Variants in DAB2IP observed in about 807,000 individuals in gnomAD.
DAB2IP encodes DAB2 interacting protein, also known as disabled homolog 2-interacting protein.
DAB2IP carries 28 observed loss-of-function variants against 107.2 expected under a neutral mutation model. The ratio of observed to expected loss-of-function variants is 0.26; its 90% CI spans 0.19 to 0.36. The LOEUF (loss-of-function observed/expected upper bound fraction) is 0.36, where lower values mean the gene tolerates loss of function less well. Among genes scored for constraint, DAB2IP ranks in the 10% least tolerant of loss-of-function variants. The probability of loss-of-function intolerance (pLI) is 1.00; values close to 1 mark genes in which losing one functional copy is unlikely to be tolerated. For missense variants in DAB2IP, 1,400 were observed against 1,644.7 expected (o/e 0.85, Z 2.57); for synonymous variants, 755 against 706.4 (o/e 1.07, Z -1.09).
intron 10 of DAB2IP, among the ~76,000 whole-genome samples, chr9:121,768,898 C>T (rs1414125412): frequency 2.6e-5 from 4 of 152,216 alleles, no homozygotes; most frequent in Admixed American, 6.5e-5. Flanking sequence ...AGTGGACAAG[C>T]GCCACTGTGC....
rs1020030152 is a variant in DAB2IP, at chr9:121,709,479, A to G, written c.362+10021A>G. ...TTCTTACTATAGCCCTTTGAAGGAT[A>G]CGTGCTATTACTGTCCCCATTTTAC... is the stretch of plus-strand genomic sequence containing the variant. On this transcript the variant is annotated intron_variant, in intron 3 of 15. Transcript: ENST00000408936. Among the ~76,000 whole-genome samples the G allele has an allele frequency of 2.5e-4, 38 of 152,292 alleles. 1 individual carries two copies. Among genetic ancestry groups the G allele is most frequent in the Admixed American group, 1.9e-3 (29 of 15,300 alleles).
chr9:121,669,268 C>G (rs1833578945), intron 1 of DAB2IP, among the ~76,000 whole-genome samples: 1 of 152,124 alleles, frequency 6.6e-6, no homozygotes, highest in Non-Finnish European at 1.5e-5. Context: ...TATAGATTGA[C>G]AAGCAATTGC....
At chr9:121,743,450 G>A (rs1832495056) in intron 3 of DAB2IP, among the ~76,000 whole-genome samples, 1 of 151,028 alleles carries the variant, frequency 6.6e-6, no homozygotes, top group Non-Finnish European at 1.5e-5. Flanking sequence ...TTTCTTTCCT[G>A]TTTCCTGTAT....
chr9:121,749,671 T>A (rs1230321022), intron 3 of DAB2IP, among the ~76,000 whole-genome samples: 2 of 152,220 alleles, frequency 1.3e-5, no homozygotes, highest in African/African-American at 4.8e-5. Flanking sequence ...TACTGCCCAC[T>A]GCTAGGCACA....
At chr9:121,672,240 A>T (rs1010235) in intron 1 of DAB2IP, among the ~76,000 whole-genome samples, 22,347 of 152,088 alleles carry the variant, frequency 0.15, 3,336 homozygotes, top group African/African-American at 0.39. Flanking sequence ...GGGACACCCC[A>T]GTCCAGCACC....
At chr9:121,626,310 G>A (rs961541835) in intron 1 of DAB2IP, among the ~76,000 whole-genome samples, 6 of 151,792 alleles carry the variant, frequency 4.0e-5, no homozygotes, top group Non-Finnish European at 1.5e-5. Context: ...GTTTCCGGGG[G>A]TGAGGGCATC....
chr9:121,673,645 G>A (rs1326164728), intron 1 of DAB2IP, among the ~76,000 whole-genome samples: 3 of 152,216 alleles, frequency 2.0e-5, no homozygotes, highest in African/African-American at 4.8e-5. Context: ...TTAAGGGAGA[G>A]CGACAATGAA....
chr9:121,755,233 T>C (rs1589648082), intron 3 of DAB2IP, among the ~76,000 whole-genome samples: 1 of 151,528 alleles, frequency 6.6e-6, no homozygotes, highest in African/African-American at 2.4e-5. Context: ...TGTGGCGGTG[T>C]GATGTGGTGG....
intron 1 of DAB2IP, among the ~76,000 whole-genome samples, chr9:121,623,933 A>G (rs983637080): frequency 3.3e-5 from 5 of 152,148 alleles, no homozygotes; most frequent in Middle Eastern, 3.2e-3. Flanking sequence ...TCACATCTGT[A>G]AGCTGCTTCT....
At chr9:121,621,984 CTT>C (rs1202929145) in intron 1 of DAB2IP, among the ~76,000 whole-genome samples, 17 of 99,690 alleles carry the variant, frequency 1.7e-4, no homozygotes, top group Non-Finnish European at 2.4e-4. Flanking sequence ...TTTTTTCTTT[CTT>C]TTTTTTTTTT....
chr9:121,668,255 C>A (rs914494221), intron 1 of DAB2IP, among the ~76,000 whole-genome samples: 11 of 149,522 alleles, frequency 7.4e-5, no homozygotes, highest in Non-Finnish European at 1.2e-4. Context: ...TGCAGTGGCA[C>A]GATCTCCACT....
In DAB2IP at chr9:121,774,252, C is replaced by T; in HGVS notation, c.2968-8C>T. 3.1e-6 allele frequency: 5 copies of T among 1,602,398 alleles called. No individual in the cohort carries two copies. Among genetic ancestry groups the T allele is most frequent in the Non-Finnish European group, 4.3e-6 (5 of 1,174,716 alleles). On this transcript the variant is annotated splice_polypyrimidine_tract_variant and splice_region_variant and intron_variant, in intron 12 of 15. Coordinates refer to ENST00000408936, the Ensembl canonical transcript of DAB2IP. ...CCTGCAGCCCCTCACAGCTGTGTTT[C>T]ATTGTAGGGCCCTTCACCTGTGAGC...
intron 3 of DAB2IP, among the ~76,000 whole-genome samples, chr9:121,700,136 C>T (rs1252648413): frequency 1.3e-5 from 2 of 152,214 alleles, no homozygotes; most frequent in Non-Finnish European, 2.9e-5. Context: ...TCTCCACTCT[C>T]AGGGGTGTCT....
intron 1 of DAB2IP, among the ~76,000 whole-genome samples, chr9:121,590,742 G>A (rs151312339): frequency 2.0e-5 from 3 of 152,266 alleles, no homozygotes; most frequent in Non-Finnish European, 2.9e-5. Flanking sequence ...GAAAGCAGAC[G>A]TGCCTTCACT....
chr9:121,583,710 C>T (rs1830253813), intron 1 of DAB2IP, among the ~76,000 whole-genome samples: 1 of 152,202 alleles, frequency 6.6e-6, no homozygotes, highest in African/African-American at 2.4e-5. Context: ...TCGGCATCAC[C>T]TGCCATCCGT....
intron 1 of DAB2IP, among the ~76,000 whole-genome samples, chr9:121,618,063 G>A (rs1358968331): frequency 6.6e-6 from 1 of 152,170 alleles, no homozygotes; most frequent in African/African-American, 2.4e-5. Flanking sequence ...GGCGCTTTAG[G>A]TACAAGACAG....
chr9:121,702,510 A>G lies in DAB2IP; in HGVS notation c.362+3052A>G, dbSNP rs1829841226. On this transcript the variant is annotated intron_variant, in intron 3 of 15. Coordinates refer to ENST00000408936, the Ensembl canonical transcript of DAB2IP. The surrounding 1 kb of genome is among the most constrained non-coding windows in gnomAD (Gnocchi z 4.5). The stretch of plus-strand genomic sequence containing the variant: ...CAGTCTCTGGGTCCCTCAGACACTC[A>G]TTTCTTCTTCAGAAGCTTTGGCAGT... Among the ~76,000 whole-genome samples, 1 of 152,050 alleles carries G rather than the reference A, an allele frequency of 6.6e-6. No individual in the cohort carries two copies. The highest frequency in any genetic ancestry group is 1.5e-5 in the Non-Finnish European group (1 of 68,026).
chr9:121,683,222 G>C (rs1027555884), intron 2 of DAB2IP, among the ~76,000 whole-genome samples: 1 of 152,156 alleles, frequency 6.6e-6, no homozygotes, highest in Non-Finnish European at 1.5e-5. Context: ...ACAGCATGCT[G>C]TTCTTTCTCT....
chr9:121,610,056 ATGTGTG>A (rs10537988), intron 1 of DAB2IP, among the ~76,000 whole-genome samples: 2 of 150,484 alleles, frequency 1.3e-5, no homozygotes, highest in African/African-American at 2.4e-5. Context: ...GATTTTGTGT[ATGTGTG>A]TGTGTGTGTG....
Sources: allele counts gnomAD v4.1 joint callset (sites outside exome capture counted in the v4.1 genomes callset), GRCh38; gene constraint gnomAD v4.1.1; non-coding constraint Gnocchi (gnomAD v3.1); transcripts MANE v1.5; gene names NCBI Gene and HGNC (gene_info 2026-07-23, HGNC 2026-07-21).